MGAT5B: variants seen among roughly 807,000 people sequenced by gnomAD.
MGAT5B encodes N-acetylglucosaminyl-transferase Vb.
A neutral mutation model predicts 95.1 loss-of-function variants in MGAT5B; 54 were observed. That is an observed-to-expected ratio of 0.57 (90% CI 0.46 to 0.71). The LOEUF is 0.71. Among genes scored for constraint, MGAT5B ranks in the 30% least tolerant of loss-of-function variants. The pLI is 0.00. For missense variants in MGAT5B, 935 were observed against 1,088.6 expected (o/e 0.86, Z 1.99); for synonymous variants, 464 against 451.0 (o/e 1.03, Z -0.36).
In MGAT5B at chr17:76,906,364, C is replaced by T. The variant is rs1968529629; in HGVS notation, c.1025+177C>T. Among the ~76,000 whole-genome samples the T allele has an allele frequency of 6.6e-6, 1 of 152,230 alleles. No homozygotes were observed. The highest frequency in any genetic ancestry group is 1.5e-5 in the Non-Finnish European group (1 of 68,030). ...GACATCACCACTCCTAATCCCCCTC[C>T]TCCTGCCCGGTCTTGGGGGATGTGG... On this transcript the variant is annotated intron_variant, in intron 8 of 17. Transcript: ENST00000569840. This position sits in a 1 kb window ranked among gnomAD's most constrained non-coding sequence, Gnocchi z 4.6.
intron 15 of MGAT5B, among the ~76,000 whole-genome samples, chr17:76,943,751 A>G (rs1354183222): frequency 6.6e-6 from 1 of 151,934 alleles, no homozygotes; most frequent in African/African-American, 2.4e-5. Flanking sequence ...TAATAATTCT[A>G]TTTTAGAAAA....
At chr17:76,892,494 C>T (rs1967910500) in intron 3 of MGAT5B, among the ~76,000 whole-genome samples, 1 of 152,212 alleles carries the variant, frequency 6.6e-6, no homozygotes, top group African/African-American at 2.4e-5. Context: ...TCCTGGGGCT[C>T]CAGATGCAGG....
chr17:76,882,024 G>C (rs1967438972), intron 2 of MGAT5B, 127 bp from the exon 3 acceptor site: 11 of 909,174 alleles, frequency 1.2e-5, no homozygotes, highest in Non-Finnish European at 1.8e-5. Context: ...AGCTGAGGCT[G>C]GGGTCTGGTG....
chr17:76,893,852 T>C (rs1215471057), intron 3 of MGAT5B, among the ~76,000 whole-genome samples: 8 of 152,118 alleles, frequency 5.3e-5, no homozygotes, highest in Admixed American at 5.2e-4. Flanking sequence ...TTTTGCTCGG[T>C]CTTGGCCTTG....
chr17:76,887,586 C>T (rs533046476), intron 3 of MGAT5B, among the ~76,000 whole-genome samples: 2 of 143,470 alleles, frequency 1.4e-5, no homozygotes, highest in Admixed American at 1.4e-4. Flanking sequence ...CAGAATCTTG[C>T]TCTGTCACCC....
chr17:76,885,256 C>A (rs1053689588), intron 3 of MGAT5B, among the ~76,000 whole-genome samples: 2 of 152,272 alleles, frequency 1.3e-5, no homozygotes, highest in African/African-American at 4.8e-5. Flanking sequence ...TCGGATCCAG[C>A]CCCTGCCCCC....
intron 3 of MGAT5B, 59 bp downstream of exon 3, chr17:76,882,357 A>C (rs1206740733): frequency 1.3e-6 from 2 of 1,536,250 alleles, no homozygotes; most frequent in African/African-American, 1.4e-5. Context: ...CTGCCACTCC[A>C]TCCGGGGTGC....
chr17:76,868,812 G>C lies in MGAT5B; in HGVS notation c.-218G>C. 3.3e-6 allele frequency: 1 copy of C among 305,244 alleles called. No homozygotes were observed. Among genetic ancestry groups the C allele is most frequent in the Non-Finnish European group, 6.0e-6 (1 of 167,652 alleles). The allele number at this position is 305,244 out of a possible 1,614,324, so 18.9% of individuals were successfully genotyped here. ...GCGGGGAGGGCGGAGACGCAGAGAC[G>C]GCCCGGCCGGGCGCCCTCGCCGCCC... is the stretch of plus-strand genomic sequence containing the variant. On this transcript the variant is annotated 5_prime_UTR_variant, in exon 1 of 18. Transcript: ENST00000569840. This position sits in a 1 kb window ranked among gnomAD's most constrained non-coding sequence, Gnocchi z 6.3.
chr17:76,912,896 G>A lies in MGAT5B; in HGVS notation c.1025+6709G>A, dbSNP rs554912473. On this transcript the variant is annotated intron_variant, in intron 8 of 17. Coordinates refer to ENST00000569840, the MANE Select transcript of MGAT5B (RefSeq NM_001199172.2). This position sits in a 1 kb window ranked among gnomAD's most constrained non-coding sequence, Gnocchi z 5.0. ...GTGCATGTGCAGGTCCAGGGTGGGC[G>A]TTTTAAAGTTAAGCCTTTCCCTTCC... Among the ~76,000 whole-genome samples the A allele has an allele frequency of 9.8e-5, 15 of 152,328 alleles. No individual in the cohort carries two copies. The highest frequency in any genetic ancestry group is 9.6e-4 in the East Asian group (5 of 5,186).
At chr17:76,894,975 T>G (rs936228885) in intron 3 of MGAT5B, among the ~76,000 whole-genome samples, 1 of 152,124 alleles carries the variant, frequency 6.6e-6, no homozygotes, top group African/African-American at 2.4e-5. Context: ...CCCCCTGGCA[T>G]GGACCGGTAC....
chr17:76,941,411 C>T (rs150023485), intron 15 of MGAT5B, among the ~76,000 whole-genome samples: 51 of 152,300 alleles, frequency 3.3e-4, no homozygotes, highest in Admixed American at 2.8e-3. Context: ...TGCTCATCTC[C>T]GCAGTGGACA....
In MGAT5B at chr17:76,926,657, C is replaced by T. The variant is rs752934490; in HGVS notation, c.1218C>T (p.Tyr406=). Residue 406 remains tyrosine, a synonymous_variant, in exon 10 of 18, where the codon TAC becomes TAT. Transcript: ENST00000569840. The part of the protein sequence containing the change: ...GTEPAYNHEE[Y]ATLHGYRTNW... ...AACCTGCGTACAACCACGAGGAGTA[C>T]GCCACGCTGCACGGCTACCGGACCA... The T allele has an allele frequency of 9.9e-6, 16 of 1,612,686 alleles. No individual in the cohort carries two copies. Among genetic ancestry groups the T allele is most frequent in the South Asian group, 5.5e-5 (5 of 91,090 alleles).
At chr17:76,871,133 G>T (rs1966996620) in intron 1 of MGAT5B, among the ~76,000 whole-genome samples, 1 of 152,140 alleles carries the variant, frequency 6.6e-6, no homozygotes, top group Non-Finnish European at 1.5e-5. Context: ...CTTCTCCAGG[G>T]ACTAGAGACA....
intron 8 of MGAT5B, among the ~76,000 whole-genome samples, chr17:76,921,433 G>A (rs897260876): frequency 1.2e-4 from 18 of 152,260 alleles, no homozygotes; most frequent in African/African-American, 4.3e-4. Context: ...TGGGGGAAGC[G>A]ATTGCTCAGC....
chr17:76,916,091 C>T lies in MGAT5B; in HGVS notation c.1026-8875C>T, dbSNP rs1968924560. 6.6e-6 allele frequency among the ~76,000 whole-genome samples: 1 copy of T among 152,218 alleles called. No individual in the cohort carries two copies. The highest frequency in any genetic ancestry group is 1.9e-4 in the East Asian group (1 of 5,188). On this transcript the variant is annotated intron_variant, in intron 8 of 17. Coordinates refer to ENST00000569840, the MANE Select transcript of MGAT5B (RefSeq NM_001199172.2). This position sits in a 1 kb window ranked among gnomAD's most constrained non-coding sequence, Gnocchi z 5.3. ...CTCTGCTGCTGGGGCCTGGGGCTGC[C>T]CTGGCCCCTGCCCTTCATCCTTCCT... is the stretch of plus-strand genomic sequence containing the variant.
At chr17:76,943,037 C>CCCGCA (rs1969911597) in intron 15 of MGAT5B, among the ~76,000 whole-genome samples, 1 of 151,594 alleles carries the variant, frequency 6.6e-6, no homozygotes, top group East Asian at 1.9e-4. Flanking sequence ...ATAACTTGCC[C>CCCGCA]CCCCGGGAGG....
At chr17:76,904,196 C>T (rs1446874393) in intron 5 of MGAT5B, 56 bp from the exon 6 acceptor site, 3 of 1,530,144 alleles carry the variant, frequency 2.0e-6, no homozygotes, top group African/African-American at 2.7e-5. Flanking sequence ...GCGGGGGAGT[C>T]CCCGAGGGTC....
At chr17:76,903,027 G>T (rs1042197234) in intron 4 of MGAT5B, among the ~76,000 whole-genome samples, 2 of 152,084 alleles carry the variant, frequency 1.3e-5, no homozygotes, top group Admixed American at 6.5e-5. Flanking sequence ...CTCAGAAAAC[G>T]CTGGGGATGC....
At chr17:76,899,313 A>G (rs1968217725) in intron 3 of MGAT5B, among the ~76,000 whole-genome samples, 1 of 152,176 alleles carries the variant, frequency 6.6e-6, no homozygotes, top group Non-Finnish European at 1.5e-5. Flanking sequence ...AGCCTGCAGC[A>G]GTGGAGGTTT....
Sources: gnomAD v4.1 joint callset for allele counts (sites outside exome capture counted in the v4.1 genomes callset) on GRCh38, gnomAD v4.1.1 for gene constraint, Gnocchi (gnomAD v3.1) non-coding constraint, MANE v1.5 for transcripts, NCBI Gene and HGNC (gene_info 2026-07-23, HGNC 2026-07-21) for gene names.